Variants in IMMP2L observed in about 807,000 individuals in gnomAD.
IMMP2L encodes the protein mitochondrial inner membrane protease subunit 2.
IMMP2L carries 18 observed loss-of-function variants against 19.3 expected under a neutral mutation model. That is an observed-to-expected ratio of 0.93 (90% confidence interval 0.64 to 1.38). The LOEUF is 1.38. Ranked by LOEUF, IMMP2L falls within the 40% of genes most tolerant of loss-of-function variation. IMMP2L has a pLI of 0.00. For synonymous variants in IMMP2L, 76 were observed against 73.0 expected, an observed-to-expected ratio of 1.04 and a Z score of -0.21; for missense variants, 233 against 218.2, an observed-to-expected ratio of 1.07 and a Z score of -0.43.
At chr7:111,211,969 C>T (rs1019526904) in intron 3 of IMMP2L, among the ~76,000 whole-genome samples, 1 of 152,050 alleles carries the variant, frequency 6.6e-6, no homozygotes, top group African/African-American at 2.4e-5. Flanking sequence ...TGCACTCCAG[C>T]CTGGGAGACA....
intron 3 of IMMP2L, among the ~76,000 whole-genome samples, chr7:111,136,382 AG>A (rs1802340846): frequency 6.6e-6 from 1 of 152,152 alleles, no homozygotes; most frequent in Admixed American, 6.6e-5. Flanking sequence ...ATCTCATGGT[AG>A]CCTGAGATAT....
chr7:111,292,552 T>C (rs1821227851), intron 3 of IMMP2L, among the ~76,000 whole-genome samples: 2 of 152,042 alleles, frequency 1.3e-5, no homozygotes, highest in African/African-American at 4.8e-5. Flanking sequence ...AGTACTGGCA[T>C]CCTAGCCTGG....
At chr7:111,016,415 T>C (rs1246973790) in intron 3 of IMMP2L, among the ~76,000 whole-genome samples, 1 of 140,122 alleles carries the variant, frequency 7.1e-6, no homozygotes, top group Non-Finnish European at 1.5e-5. Context: ...TTTTATATAA[T>C]ATATATTTTA....
At chr7:111,283,170 GA>G (rs1324412259) in intron 3 of IMMP2L, among the ~76,000 whole-genome samples, 1 of 152,106 alleles carries the variant, frequency 6.6e-6, no homozygotes. Flanking sequence ...GAAAAATGTG[GA>G]AAAATCATAA....
chr7:111,388,707 G>A (rs754556944), intron 3 of IMMP2L, among the ~76,000 whole-genome samples: 13 of 151,938 alleles, frequency 8.6e-5, no homozygotes, highest in South Asian at 2.1e-4. Flanking sequence ...CAGAAACCCC[G>A]GATAAACACA....
intron 3 of IMMP2L, among the ~76,000 whole-genome samples, chr7:110,984,192 A>G (rs1410837620): frequency 1.2e-4 from 18 of 152,032 alleles, no homozygotes. Context: ...AATCTGGTTT[A>G]GAAAGAAACA....
chr7:111,048,407 G>A (rs1199545669), intron 3 of IMMP2L, among the ~76,000 whole-genome samples: 1 of 152,056 alleles, frequency 6.6e-6, no homozygotes, highest in Non-Finnish European at 1.5e-5. Flanking sequence ...GCTTGGCTCG[G>A]TTACAATCCT....
At chr7:110,704,657 A>G (rs1221683861) in intron 5 of IMMP2L, among the ~76,000 whole-genome samples, 1 of 152,232 alleles carries the variant, frequency 6.6e-6, no homozygotes, top group African/African-American at 2.4e-5. Context: ...TGTGTTCTAA[A>G]TGTCAATTCC....
chr7:111,179,086 G>A (rs1427576141), intron 3 of IMMP2L, among the ~76,000 whole-genome samples: 3 of 151,834 alleles, frequency 2.0e-5, no homozygotes, highest in African/African-American at 7.3e-5. Context: ...TTGATTCATG[G>A]TCTGCAAAAT....
At chr7:111,087,472 C>A (rs889081002) in intron 3 of IMMP2L, among the ~76,000 whole-genome samples, 101 of 141,776 alleles carry the variant, frequency 7.1e-4, no homozygotes, top group African/African-American at 1.7e-3. Context: ...AAAAAAAAAA[C>A]AACGAAACAC....
At chr7:111,092,983 A>G (rs936132766) in intron 3 of IMMP2L, among the ~76,000 whole-genome samples, 10 of 152,230 alleles carry the variant, frequency 6.6e-5, no homozygotes, top group African/African-American at 2.4e-4. Context: ...AGTTTGTAAT[A>G]TAAGCCAAAG....
intron 2 of IMMP2L, among the ~76,000 whole-genome samples, chr7:111,503,554 T>C (rs1217818764): frequency 6.6e-6 from 1 of 152,064 alleles, no homozygotes; most frequent in African/African-American, 2.4e-5. Context: ...TGATGAACAT[T>C]GATGCAAAAA....
At chr7:111,403,932 T>C (rs1833690300) in intron 3 of IMMP2L, among the ~76,000 whole-genome samples, 1 of 152,124 alleles carries the variant, frequency 6.6e-6, no homozygotes, top group South Asian at 2.1e-4. Flanking sequence ...GTGTTTATTT[T>C]TCTAACCTAT....
intron 3 of IMMP2L, among the ~76,000 whole-genome samples, chr7:111,387,641 A>G (rs971178116): frequency 6.6e-6 from 1 of 152,140 alleles, no homozygotes; most frequent in South Asian, 2.1e-4. Flanking sequence ...GCTAAGCACT[A>G]AAGTTCTGTC....
chr7:111,080,904 T>A (rs980889687), intron 3 of IMMP2L, among the ~76,000 whole-genome samples: 2 of 152,236 alleles, frequency 1.3e-5, no homozygotes, highest in Non-Finnish European at 2.9e-5. Flanking sequence ...AATTTTCTTG[T>A]CAGCAGCCAT....
chr7:111,122,452 G>T, intron 3 of IMMP2L: 1 of 216,808 alleles, frequency 4.6e-6, no homozygotes, highest in Non-Finnish European at 9.0e-6. Context: ...GAAGAAGCAT[G>T]GGATTTAAAT....
intron 3 of IMMP2L, among the ~76,000 whole-genome samples, chr7:111,253,835 C>T (rs941375849): frequency 6.6e-6 from 1 of 152,096 alleles, no homozygotes; most frequent in Non-Finnish European, 1.5e-5. Flanking sequence ...AACTGAAGAG[C>T]CCCAGAAAAC....
At chr7:111,559,190 C>T (rs149625103) in intron 1 of IMMP2L, among the ~76,000 whole-genome samples, 1 of 152,084 alleles carries the variant, frequency 6.6e-6, no homozygotes, top group Non-Finnish European at 1.5e-5. Context: ...TAAAGTGAAA[C>T]CAGATGTCTG....
chr7:110,801,492 C>T (rs905813545), intron 5 of IMMP2L, among the ~76,000 whole-genome samples: 1 of 152,006 alleles, frequency 6.6e-6, no homozygotes, highest in African/African-American at 2.4e-5. Flanking sequence ...ATAAGGATTG[C>T]CAGAAAACTA....
Sources: allele counts gnomAD v4.1 joint callset (sites outside exome capture counted in the v4.1 genomes callset), GRCh38; gene constraint gnomAD v4.1.1; transcripts MANE v1.5; gene names NCBI Gene and HGNC (gene_info 2026-07-23, HGNC 2026-07-21).